Variants in HLA-DRB5 observed in about 807,000 individuals in gnomAD.
HLA-DRB5 encodes DR beta-5.
HLA-DRB5 carries 11 observed loss-of-function variants against 22.4 expected under a neutral mutation model. The ratio of observed to expected loss-of-function variants is 0.49; its 90% CI spans 0.31 to 0.81. HLA-DRB5 has a LOEUF of 0.81. HLA-DRB5 is among the 40% of genes least tolerant of loss of function. HLA-DRB5 has a pLI of 0.05. For missense variants in HLA-DRB5, 106 were observed against 274.4 expected, an observed-to-expected ratio of 0.39 and a Z score of 4.34; for synonymous variants, 57 against 106.0, an observed-to-expected ratio of 0.54 and a Z score of 2.84.
At chr6:32,525,422 C>G (rs576371337) in intron 1 of HLA-DRB5, among the ~76,000 whole-genome samples, 3,401 of 32,780 alleles carry the variant, frequency 0.1, 379 homozygotes, top group Admixed American at 0.16. Context: ...ATTATTTTTT[C>G]TATTACATGA....
In HLA-DRB5 at chr6:32,520,200, G is replaced by T. The variant is rs187620826; in HGVS notation, c.371-549C>A. Among the ~76,000 whole-genome samples, 83 of 54,976 alleles carry T rather than the reference G, an allele frequency of 1.5e-3. 4 individuals are homozygous for T. Among genetic ancestry groups the T allele is most frequent in the Admixed American group, 2.3e-3 (9 of 3,920 alleles). The allele number at this position is 54,976 out of a possible 152,430, so 36.1% of individuals were successfully genotyped here. A position where few individuals can be genotyped will look rare whatever the true frequency, so the allele number is the denominator to read the frequency against. On this transcript the variant is annotated intron_variant, in intron 2 of 5. Transcript: ENST00000374975. ...GTGAGAGGGCTCATCACACTTGGGT[G>T]TTCCACTTGCCACCTATTTATCATC...
Position 32,521,891 on chromosome 6 carries a change from C to G in HLA-DRB5, c.370+14G>C, listed in dbSNP as rs111875855. 1 of 1,030,492 alleles carries G rather than the reference C, an allele frequency of 9.7e-7. No homozygotes were observed. Among genetic ancestry groups the G allele is most frequent in the South Asian group, 1.5e-5 (1 of 67,430 alleles). 63.8% of individuals were successfully genotyped at this position (1,030,492 alleles called of 1,614,324 possible). A position where few individuals can be genotyped will look rare whatever the true frequency, so the allele number is the denominator to read the frequency against. On this transcript the variant is annotated intron_variant, in intron 2 of 5. Transcript: ENST00000374975. ...GCTCACAAGGACCCAGGCCCCGCCC[C>G]CCACCATGCTCACCTCGCCGCTGCA...
At position 32,519,710 on chromosome 6, in the gene HLA-DRB5, T is replaced by A; in HGVS notation, c.371-59A>T. On this transcript the variant is annotated intron_variant, in intron 2 of 5. Transcript: ENST00000374975. The stretch of plus-strand genomic sequence containing the variant: ...GGAAGACAGAGTGAATCTCCCTTTT[T>A]GGCTGTTTGTCTGCTTCTCTGTAAA... 1.2e-5 allele frequency: 6 copies of A among 511,850 alleles called. 3 individuals are homozygous for A. The highest frequency in any genetic ancestry group is 1.7e-5 in the Non-Finnish European group (6 of 353,300). 31.7% of individuals were successfully genotyped at this position (511,850 alleles called of 1,614,324 possible).
intron 1 of HLA-DRB5, among the ~76,000 whole-genome samples, chr6:32,529,579 T>C (rs570739482): frequency 0.02 from 1,030 of 50,394 alleles, 5 homozygotes; most frequent in Admixed American, 0.03. Context: ...GTCAGAGACC[T>C]TGCATACATT....
chr6:32,528,550 G>A (rs114849150), intron 1 of HLA-DRB5, among the ~76,000 whole-genome samples: 6 of 41,540 alleles, frequency 1.4e-4, no homozygotes, highest in East Asian at 1.2e-3. Context: ...TTCTCCTCCC[G>A]GTGAGAAATA....
At chr6:32,524,997 G>T (rs150863365) in intron 1 of HLA-DRB5, among the ~76,000 whole-genome samples, 932 of 34,452 alleles carry the variant, frequency 0.027, 330 homozygotes, top group Middle Eastern at 0.042. Context: ...ACATGCCTAT[G>T]ATAGACTTAT....
intron 1 of HLA-DRB5, among the ~76,000 whole-genome samples, chr6:32,527,015 A>T (rs113282373): frequency 0.085 from 2,280 of 26,750 alleles, 91 homozygotes; most frequent in Admixed American, 0.13. Flanking sequence ...TAAGCTTGAT[A>T]TTTCTACCCC....
intron 1 of HLA-DRB5, among the ~76,000 whole-genome samples, chr6:32,528,346 G>GCCA (rs1554269189): frequency 0.16 from 14,652 of 93,370 alleles, 75 homozygotes; most frequent in Admixed American, 0.19. Context: ...TGAGAGTCGG[G>GCCA]ACCCTCTCTA....
At position 32,522,002 on chromosome 6, in the gene HLA-DRB5, G is replaced by A. The variant is rs1768972566; in HGVS notation, c.273C>T (p.Asn91=). Reference sequence around the variant, plus strand: ...TGTCTTCCAGGAAGTCCTTCTGGCTGTTCCAGTACTCAGCGTCAGGCCGCC... The same window carrying A: ...TGTCTTCCAGGAAGTCCTTCTGGCTATTCCAGTACTCAGCGTCAGGCCGCC... ...ELGRPDAEYW[N]SQKDFLEDRR... Residue 91 remains asparagine (N), a synonymous_variant, in exon 2 of 6, where the codon AAC becomes AAT. Coordinates refer to ENST00000374975, the MANE Select transcript of HLA-DRB5 (RefSeq NM_002125.4). The A allele has an allele frequency of 6.6e-7, 1 of 1,524,084 alleles. No individual in the cohort carries two copies. Among genetic ancestry groups the A allele is most frequent in the Non-Finnish European group, 9.0e-7 (1 of 1,112,516 alleles). 94.4% of individuals were successfully genotyped at this position (1,524,084 alleles called of 1,614,324 possible). A position where few individuals can be genotyped will look rare whatever the true frequency, so the allele number is the denominator to read the frequency against.
At chr6:32,529,989 G>C (rs115341010) in intron 1 of HLA-DRB5, 136 bp downstream of exon 1, 53,542 of 495,154 alleles carry the variant, frequency 0.11, 1,139 homozygotes, top group African/African-American at 0.2. Context: ...AAATAATTTG[G>C]GATCCCATGA....
intron 1 of HLA-DRB5, among the ~76,000 whole-genome samples, chr6:32,524,310 C>T (rs879943310): frequency 0.024 from 2,737 of 114,674 alleles, 83 homozygotes; most frequent in East Asian, 0.031. Flanking sequence ...TATCATTTGT[C>T]TTTCATATCA....
chr6:32,521,561 T>C (rs188132391), intron 2 of HLA-DRB5, among the ~76,000 whole-genome samples: 1,262 of 99,102 alleles, frequency 0.013, no homozygotes, highest in East Asian at 0.028. Context: ...CCTGCATCTC[T>C]AAGGACACGA....
intron 2 of HLA-DRB5, among the ~76,000 whole-genome samples, chr6:32,521,300 GAAA>G (rs1768835560): frequency 8.9e-5 from 1 of 11,234 alleles, no homozygotes; most frequent in Non-Finnish European, 1.8e-4. Flanking sequence ...AAAACAAACA[GAAA>G]AAATAGCAAG....
chr6:32,528,129 C>CAT (rs538504287), intron 1 of HLA-DRB5, among the ~76,000 whole-genome samples: 275 of 43,274 alleles, frequency 6.4e-3, no homozygotes, highest in Non-Finnish European at 7.6e-3. Context: ...TAGATCTTCA[C>CAT]GACTGTCTAC....
chr6:32,525,718 T>A (rs73726202), intron 1 of HLA-DRB5, among the ~76,000 whole-genome samples: 93,139 of 115,126 alleles, frequency 0.81, 39,714 homozygotes, highest in Middle Eastern at 0.89. Flanking sequence ...CATGTTTTTA[T>A]ATACCACAGA....
chr6:32,525,898 G>GGCTGTGTGAAATATT (rs1769555011), intron 1 of HLA-DRB5, among the ~76,000 whole-genome samples: 1 of 32,502 alleles, frequency 3.1e-5, no homozygotes, highest in Non-Finnish European at 6.3e-5. Flanking sequence ...TAATAAATAT[G>GGCTGTGTGAAATATT]GGCTGTGTGA....
chr6:32,524,568 C>T (rs78621586), intron 1 of HLA-DRB5, among the ~76,000 whole-genome samples: 1 of 47,880 alleles, frequency 2.1e-5, no homozygotes, highest in East Asian at 4.8e-4. Context: ...GTTTACAAAA[C>T]ATGAGCAGGT....
In HLA-DRB5 at chr6:32,517,718, T is replaced by G. The variant is rs771427937; in HGVS notation, c.*21A>C. ...CAAAGCTGGGGCAGAAGGTTCCCCC[T>G]TGAATGTGGTCATCTGCACTTCAGC... is the stretch of plus-strand genomic sequence containing the variant. On this transcript the variant is annotated 3_prime_UTR_variant, in exon 6 of 6. Coordinates refer to ENST00000374975, the MANE Select transcript of HLA-DRB5 (RefSeq NM_002125.4). 47 of 467,110 alleles carry G rather than the reference T, an allele frequency of 1.0e-4. 21 individuals are homozygous for G. Among genetic ancestry groups the G allele is most frequent in the Non-Finnish European group, 1.8e-5 (6 of 337,900 alleles). The allele number at this position is 467,110 out of a possible 1,614,324, so 28.9% of individuals were successfully genotyped here. A position where few individuals can be genotyped will look rare whatever the true frequency, so the allele number is the denominator to read the frequency against.
chr6:32,523,878 T>G, intron 1 of HLA-DRB5, among the ~76,000 whole-genome samples: 1 of 107,228 alleles, frequency 9.3e-6, no homozygotes. Context: ...TATTGACATT[T>G]TGGTCCAGAT....
Sources: allele counts gnomAD v4.1 joint callset (sites outside exome capture counted in the v4.1 genomes callset), GRCh38; gene constraint gnomAD v4.1.1; transcripts MANE v1.5; gene names NCBI Gene and HGNC (gene_info 2026-07-23, HGNC 2026-07-21).